The following DLGAP4 variants were observed in gnomAD, a reference collection of about 807,000 sequenced individuals.
The protein encoded by DLGAP4 is disks large-associated protein 4.
A neutral mutation model predicts 86.9 loss-of-function variants in DLGAP4; 18 were observed. The observed-to-expected ratio is 0.21, with a 90% CI of 0.14 to 0.31. The LOEUF is 0.31. Ranked by LOEUF, DLGAP4 falls within the 10% of genes least tolerant of loss-of-function variation. The probability of loss-of-function intolerance (pLI) is 1.00; values close to 1 mark genes in which losing one functional copy is unlikely to be tolerated. For synonymous variants in DLGAP4, 548 were observed against 574.3 expected (o/e 0.95, Z 0.65); for missense variants, 1,085 against 1,362.6 (o/e 0.80, Z 3.21).
intron 2 of DLGAP4, among the ~76,000 whole-genome samples, chr20:36,409,799 C>T (rs1387379682): frequency 2.6e-5 from 4 of 151,806 alleles, no homozygotes; most frequent in Admixed American, 2.6e-4. Flanking sequence ...TTTGGGAGGC[C>T]AAGGTGGGCG....
At chr20:36,507,194 C>T (rs780871196) in intron 10 of DLGAP4, among the ~76,000 whole-genome samples, 1 of 151,282 alleles carries the variant, frequency 6.6e-6, no homozygotes, top group African/African-American at 2.4e-5. Context: ...AAGGCCCTGA[C>T]TTGTGGGCAC....
chr20:36,340,589 T>C (rs112516926), intron 1 of DLGAP4, among the ~76,000 whole-genome samples: 8,651 of 152,192 alleles, frequency 0.057, 313 homozygotes, highest in Non-Finnish European at 0.082. Flanking sequence ...CTGGTCTTTG[T>C]GACCAGGGAA....
intron 7 of DLGAP4, 96 bp from the exon 8 acceptor site, chr20:36,496,609 C>T (rs2035897216): frequency 1.3e-6 from 2 of 1,506,330 alleles, no homozygotes; most frequent in South Asian, 2.7e-5. Context: ...AGAGCTAGGG[C>T]CAAGTCAGGC....
At chr20:36,313,588 G>A (rs1366513637) in intron 1 of DLGAP4, among the ~76,000 whole-genome samples, 5 of 152,054 alleles carry the variant, frequency 3.3e-5, no homozygotes, top group Admixed American at 3.3e-4. Context: ...GCTCCTGGCT[G>A]GACTTGGCCT....
Position 36,436,237 on chromosome 20 carries a change from G to A in DLGAP4, c.1128G>A (p.Glu376=). ...SGSYIKAMGD[E]DSDESGGSPK... is the part of the protein sequence containing the mutation. ...GCTACATCAAGGCCATGGGCGACGA[G>A]GACAGCGACGAGTCCGGCGGCAGCC... is the stretch of plus-strand genomic sequence containing the variant. The change falls in exon 4 of 13, where the codon GAG becomes GAA. Residue 376 remains glutamate, a synonymous_variant. Transcript: ENST00000339266. 1 of 1,605,772 alleles carries A rather than the reference G, an allele frequency of 6.2e-7. No individual in the cohort carries two copies. The highest frequency in any genetic ancestry group is 8.5e-7 in the Non-Finnish European group (1 of 1,179,468).
At chr20:36,365,796 G>A (rs1569473234) in intron 1 of DLGAP4, among the ~76,000 whole-genome samples, 1 of 152,136 alleles carries the variant, frequency 6.6e-6, no homozygotes, top group Non-Finnish European at 1.5e-5. Context: ...GAGCCTCCCC[G>A]ACCAGCGACT....
intron 2 of DLGAP4, among the ~76,000 whole-genome samples, chr20:36,409,171 G>T (rs1425646051): frequency 6.6e-6 from 1 of 151,762 alleles, no homozygotes; most frequent in Non-Finnish European, 1.5e-5. Context: ...AAATAGCTGG[G>T]ATTACAGGCA....
chr20:36,496,710 T>C lies in DLGAP4; in HGVS notation c.1654T>C (p.Ser552Pro). The change falls in exon 8 of 13, where the codon TCA (serine) becomes CCA (proline). Residue 552 changes from serine (S) to proline (P), a missense_variant. By Grantham distance (74) the Ser-to-Pro change is moderately conservative. Transcript: ENST00000339266. The stretch of plus-strand genomic sequence containing the variant: ...CTTCTCTCATCCATCTGCAGGTTCA[T>C]CATGCCTAGTGGCGTATAAGAAGAC... ...LSNSRTLPSS[S>P]CLVAYKKTPP... 3.8e-6 allele frequency: 6 copies of C among 1,599,580 alleles called. No homozygotes were observed. The highest frequency in any genetic ancestry group is 1.1e-5 in the South Asian group (1 of 90,736).
intron 1 of DLGAP4, among the ~76,000 whole-genome samples, chr20:36,326,193 G>C (rs1199103674): frequency 6.6e-6 from 1 of 152,050 alleles, no homozygotes; most frequent in Non-Finnish European, 1.5e-5. Flanking sequence ...CTGTTAAAGC[G>C]GTACTCAGGG....
chr20:36,486,744 G>A (rs548616089), intron 7 of DLGAP4, among the ~76,000 whole-genome samples: 33 of 152,262 alleles, frequency 2.2e-4, no homozygotes, highest in African/African-American at 7.7e-4. Flanking sequence ...CTGAGTAGCT[G>A]GGATTACAGG....
Position 36,527,062 on chromosome 20 carries a change from A to G in DLGAP4, c.*31A>G. ...TGCAGGAGGAAAGAAACGATTTTAAATCATTAAAAACACAAAAACTAAGTG... is the reference window on the plus strand; with the variant it reads ...TGCAGGAGGAAAGAAACGATTTTAAGTCATTAAAAACACAAAAACTAAGTG... On this transcript the variant is annotated 3_prime_UTR_variant, in exon 13 of 13. Transcript: ENST00000339266. 2 of 1,559,100 alleles carry G rather than the reference A, an allele frequency of 1.3e-6. No homozygotes were observed. Among genetic ancestry groups the G allele is most frequent in the South Asian group, 1.1e-5 (1 of 86,970 alleles).
chr20:36,442,347 A>T (rs1417796529), intron 5 of DLGAP4, among the ~76,000 whole-genome samples: 1 of 152,196 alleles, frequency 6.6e-6, no homozygotes, highest in Non-Finnish European at 1.5e-5. Flanking sequence ...GGCATGTGCC[A>T]CCATGCCCGG....
intron 7 of DLGAP4, 50 bp from the exon 8 acceptor site, chr20:36,496,655 G>C (rs374227872): frequency 5.8e-6 from 9 of 1,557,778 alleles, no homozygotes; most frequent in Non-Finnish European, 7.9e-6. Context: ...GAGAGGGTTG[G>C]GGGCTTCACC....
chr20:36,465,758 A>ATGGGCTCTTGCGGGC (rs2147636464), intron 7 of DLGAP4, among the ~76,000 whole-genome samples: 1 of 152,300 alleles, frequency 6.6e-6, no homozygotes, highest in African/African-American at 2.4e-5. Flanking sequence ...AGAAGCTCAG[A>ATGGGCTCTTGCGGGC]TGGGCTCTTG....
At chr20:36,418,405 G>A (rs573819835) in intron 2 of DLGAP4, among the ~76,000 whole-genome samples, 1 of 152,318 alleles carries the variant, frequency 6.6e-6, no homozygotes, top group South Asian at 2.1e-4. Flanking sequence ...GAGCCACCGT[G>A]CCTGGCCCAT....
At chr20:36,448,042 C>A (rs1240439530) in intron 7 of DLGAP4, among the ~76,000 whole-genome samples, 4 of 139,136 alleles carry the variant, frequency 2.9e-5, no homozygotes, top group African/African-American at 7.9e-5. Flanking sequence ...TTAAGATGGT[C>A]AAAAAAAAAA....
rs2037808322 is a variant in DLGAP4 at position 36,526,904 on chromosome 20, A to G, written c.2852A>G (p.Lys951Arg). Residue 951 changes from lysine (K) to arginine (R), a missense_variant, in exon 13 of 13, where the codon AAG becomes AGG. Transcript: ENST00000339266. Reference protein sequence around the residue: ...SRDKASDASDKQRQEARKRLL... With the variant: ...SRDKASDASDRQRQEARKRLL... ...GACAAGGCCTCAGACGCCAGCGACA[A>G]GCAGCGCCAGGAGGCCCGCAAGAGA... 1.2e-6 allele frequency: 2 copies of G among 1,613,630 alleles called. No homozygotes were observed. The highest frequency in any genetic ancestry group is 1.3e-5 in the African/African-American group (1 of 74,996).
chr20:36,415,305 C>G (rs532667829), intron 2 of DLGAP4, among the ~76,000 whole-genome samples: 1 of 151,840 alleles, frequency 6.6e-6, no homozygotes, highest in Non-Finnish European at 1.5e-5. Context: ...ACAAAACAAA[C>G]GAAAACGTCC....
chr20:36,436,002 C>A, intron 3 of DLGAP4, 107 bp from the exon 4 acceptor site: 1 of 1,410,796 alleles, frequency 7.1e-7, no homozygotes, highest in Non-Finnish European at 9.2e-7. Context: ...AGCACGTGAG[C>A]CCGAATTCTG....
Sources: gnomAD v4.1 joint callset for allele counts (sites outside exome capture counted in the v4.1 genomes callset) on GRCh38, gnomAD v4.1.1 for gene constraint, MANE v1.5 for transcripts, NCBI Gene and HGNC (gene_info 2026-07-23, HGNC 2026-07-21) for gene names.